Variants in GABRB3 observed in about 807,000 individuals in gnomAD.
GABRB3 encodes gamma-aminobutyric acid receptor subunit beta-3.
In GABRB3, 14 loss-of-function variants were observed where a neutral mutation model predicts 52.1. The ratio of observed to expected loss-of-function variants is 0.27; its 90% CI spans 0.18 to 0.42. GABRB3 has a LOEUF of 0.42. GABRB3 is among the 10% of genes least tolerant of loss of function. The probability of loss-of-function intolerance (pLI) is 1.00; values close to 1 mark genes in which losing one functional copy is unlikely to be tolerated. For synonymous variants in GABRB3, 260 were observed against 232.3 expected, an observed-to-expected ratio of 1.12 and a Z score of -1.08; for missense variants, 307 against 609.1, an observed-to-expected ratio of 0.50 and a Z score of 5.22.
chr15:26,562,179 A>G (rs1000630311), intron 7 of GABRB3, among the ~76,000 whole-genome samples: 1 of 152,186 alleles, frequency 6.6e-6, no homozygotes, highest in Non-Finnish European at 1.5e-5. Context: ...CTGCGCTTAC[A>G]GGAAAGGCAC....
chr15:26,744,828 CT>C (rs1327749591), intron 3 of GABRB3, among the ~76,000 whole-genome samples: 2 of 152,102 alleles, frequency 1.3e-5, no homozygotes, highest in Non-Finnish European at 2.9e-5. Flanking sequence ...AAAATTTTTA[CT>C]TATTGACATT....
chr15:26,737,907 C>CACTG (rs1196277831), intron 3 of GABRB3, among the ~76,000 whole-genome samples: 4 of 152,148 alleles, frequency 2.6e-5, no homozygotes, highest in Non-Finnish European at 5.9e-5. Context: ...ACTCACTGGA[C>CACTG]ACTGAGTTTG....
At position 26,548,099 on chromosome 15, in the gene GABRB3, C is replaced by A. The variant is rs748883701; in HGVS notation, c.1116G>T (p.Leu372=). The change falls in exon 9 of 9, where the codon CTG becomes CTT. Residue 372 remains leucine (L), a synonymous_variant. Transcript: ENST00000311550. ...CCTCATTCATTTCATTGTGAACTTC[C>A]AGCGATGTCAACAGAATATTTCCAT... is the stretch of plus-strand genomic sequence containing the variant. ...DAHGNILLTS[L]EVHNEMNEVS... 8 of 1,614,012 alleles carry A rather than the reference C, an allele frequency of 5.0e-6. No individual in the cohort carries two copies. The highest frequency in any genetic ancestry group is 6.8e-6 in the Non-Finnish European group (8 of 1,180,018).
intron 3 of GABRB3, among the ~76,000 whole-genome samples, chr15:26,756,405 TAA>T (rs559330345): frequency 3.0e-5 from 4 of 134,534 alleles, no homozygotes; most frequent in Non-Finnish European, 6.4e-5. Context: ...CCCTCTCTAC[TAA>T]AAAAAAAAAA....
At chr15:26,568,684 G>GGGGTTTTTTTTTTTT (rs1555402038) in intron 6 of GABRB3, among the ~76,000 whole-genome samples, 1 of 133,670 alleles carries the variant, frequency 7.5e-6, no homozygotes, top group Admixed American at 7.7e-5. Flanking sequence ...TTTTTTTTTG[G>GGGGTTTTTTTTTTTT]TTTTGTATGT....
intron 4 of GABRB3, among the ~76,000 whole-genome samples, chr15:26,611,631 C>T (rs1566773712): frequency 6.6e-6 from 1 of 152,054 alleles, no homozygotes; most frequent in African/African-American, 2.4e-5. Flanking sequence ...TATGAAAAAA[C>T]AGAAAGTCCA....
chr15:26,620,983 C>T (rs1417473981), intron 4 of GABRB3, among the ~76,000 whole-genome samples: 2 of 152,088 alleles, frequency 1.3e-5, no homozygotes, highest in Non-Finnish European at 2.9e-5. Context: ...GAAGCCACTG[C>T]AGTGTCAGGG....
At chr15:26,697,850 T>C (rs566766421) in intron 3 of GABRB3, among the ~76,000 whole-genome samples, 12 of 152,304 alleles carry the variant, frequency 7.9e-5, no homozygotes, top group African/African-American at 2.9e-4. Context: ...CTCTCATTTG[T>C]TTCTCCACGT....
intron 3 of GABRB3, among the ~76,000 whole-genome samples, chr15:26,709,599 G>A (rs769414739): frequency 2.9e-4 from 38 of 131,780 alleles, no homozygotes; most frequent in Non-Finnish European, 5.9e-4. Context: ...CTCACTGCAA[G>A]CTCTGCCTCC....
At chr15:26,629,321 T>C in intron 3 of GABRB3, 1 of 646,676 alleles carries the variant, frequency 1.5e-6, no homozygotes, top group African/African-American at 1.9e-5. Context: ...GTGGCCCAGC[T>C]CAGGAGCCTG....
intron 4 of GABRB3, among the ~76,000 whole-genome samples, chr15:26,608,031 C>G (rs1052253112): frequency 6.6e-6 from 1 of 150,530 alleles, no homozygotes; most frequent in Admixed American, 6.6e-5. Context: ...AGGAGCAAAG[C>G]TGGAGGTATC....
chr15:26,581,522 C>T (rs1196162075), intron 5 of GABRB3, among the ~76,000 whole-genome samples: 4 of 152,118 alleles, frequency 2.6e-5, no homozygotes, highest in African/African-American at 9.7e-5. Context: ...AATAGCAAAA[C>T]AAGTACAAAC....
At chr15:26,660,973 T>TG (rs1887524011) in intron 3 of GABRB3, among the ~76,000 whole-genome samples, 1 of 152,004 alleles carries the variant, frequency 6.6e-6, no homozygotes, top group Admixed American at 6.6e-5. Context: ...TGTAGAGGTG[T>TG]GGGGGTCTCC....
chr15:26,561,178 T>C lies in GABRB3; in HGVS notation c.836-2A>G. On this transcript the variant is annotated splice_acceptor_variant, in intron 7 of 8. Transcript: ENST00000311550. LOFTEE classifies it high-confidence loss of function. ...TCATTGTCAGCACAGTTGTGATCCC[T>C]AGAAAAGAAACAAAGTGGTGAGAGG... The C allele has an allele frequency of 6.2e-7, 1 of 1,613,820 alleles. No individual in the cohort carries two copies. The highest frequency in any genetic ancestry group is 2.2e-5 in the East Asian group (1 of 44,876).
At chr15:26,585,026 G>A (rs1012556133) in intron 4 of GABRB3, among the ~76,000 whole-genome samples, 6 of 152,188 alleles carry the variant, frequency 3.9e-5, no homozygotes, top group African/African-American at 1.4e-4. Flanking sequence ...TTTCAAACTG[G>A]AGAGCAAAGG....
At chr15:26,565,367 G>C (rs1396849817) in intron 7 of GABRB3, among the ~76,000 whole-genome samples, 1 of 152,106 alleles carries the variant, frequency 6.6e-6, no homozygotes, top group East Asian at 1.9e-4. Context: ...TGTCTGGCCA[G>C]ACCCACAGCC....
intron 3 of GABRB3, among the ~76,000 whole-genome samples, chr15:26,671,496 A>G (rs1029696098): frequency 3.3e-5 from 5 of 152,212 alleles, no homozygotes; most frequent in Admixed American, 1.3e-4. Flanking sequence ...CACTAAAAAG[A>G]GAATCTCTGG....
chr15:26,607,892 C>G (rs541166405), intron 4 of GABRB3, among the ~76,000 whole-genome samples: 1 of 152,066 alleles, frequency 6.6e-6, no homozygotes, highest in African/African-American at 2.4e-5. Context: ...CCACATTACT[C>G]AAAATGATCT....
At chr15:26,727,072 T>G (rs533262272) in intron 3 of GABRB3, among the ~76,000 whole-genome samples, 45 of 152,258 alleles carry the variant, frequency 3.0e-4, no homozygotes, top group Non-Finnish European at 5.4e-4. Context: ...GGCAGGAGAA[T>G]TGATTGAACC....
Sources: allele counts gnomAD v4.1 joint callset (sites outside exome capture counted in the v4.1 genomes callset), GRCh38; gene constraint gnomAD v4.1.1; transcripts MANE v1.5; gene names NCBI Gene and HGNC (gene_info 2026-07-23, HGNC 2026-07-21).